MAPKAP1: variants seen among roughly 807,000 people sequenced by gnomAD.
MAPKAP1 encodes the protein target of rapamycin complex 2 subunit MAPKAP1.
A neutral mutation model predicts 65.7 loss-of-function variants in MAPKAP1; 20 were observed. That is an observed-to-expected ratio of 0.30 (90% CI 0.21 to 0.44). The LOEUF (loss-of-function observed/expected upper bound fraction) is 0.44, where lower values mean the gene tolerates loss of function less well. MAPKAP1 is among the 20% of genes least tolerant of loss of function. The pLI, the probability that MAPKAP1 is intolerant of heterozygous loss-of-function variation, is 1.00. For synonymous variants in MAPKAP1, 222 were observed against 244.3 expected (o/e 0.91, Z 0.85); for missense variants, 423 against 648.0 (o/e 0.65, Z 3.77).
At chr9:125,667,476 T>C (rs1834373397) in intron 3 of MAPKAP1, among the ~76,000 whole-genome samples, 1 of 66,606 alleles carries the variant, frequency 1.5e-5, no homozygotes, top group Non-Finnish European at 3.8e-5. Context: ...CACACCACCA[T>C]GCCCAGCTAA....
intron 7 of MAPKAP1, 68 bp from the exon 8 acceptor site, chr9:125,506,485 C>G: frequency 1.6e-6 from 2 of 1,266,010 alleles, no homozygotes; most frequent in Non-Finnish European, 1.2e-6. Flanking sequence ...TTAAAAAACA[C>G]CACATACTGG....
chr9:125,462,187 G>A lies in MAPKAP1; in HGVS notation c.1345+5785C>T, dbSNP rs534170616. Reference sequence around the variant, plus strand: ...AATAGGGAGAAAGAAATCAGGTGGCGAGGATCCGACGGATAAGCTGGGGTG... The same window carrying A: ...AATAGGGAGAAAGAAATCAGGTGGCAAGGATCCGACGGATAAGCTGGGGTG... On this transcript the variant is annotated intron_variant, in intron 10 of 11. Transcript: ENST00000265960. 6.3e-4 allele frequency among the ~76,000 whole-genome samples: 96 copies of A among 152,348 alleles called. 2 individuals are homozygous for A. In the South Asian group the frequency reaches 0.017, roughly 28 times the overall value.
chr9:125,630,767 G>C lies in MAPKAP1; in HGVS notation c.498+26884C>G, dbSNP rs975071025. Among the ~76,000 whole-genome samples the C allele has an allele frequency of 3.3e-5, 5 of 152,200 alleles. No individual in the cohort carries two copies. In the South Asian group the frequency reaches 1.0e-3, roughly 32 times the overall value. On this transcript the variant is annotated intron_variant, in intron 4 of 11. Transcript: ENST00000265960. ...TAATGGGAGGTGTTTGGATCATGGA[G>C]GCAGATCCCTCATGAATAAATTAAT...
chr9:125,468,135 A>C, intron 9 of MAPKAP1, 26 bp from the exon 10 acceptor site: 1 of 1,609,598 alleles, frequency 6.2e-7, no homozygotes, highest in Non-Finnish European at 8.5e-7. Flanking sequence ...AGGACACAAA[A>C]GAAAACACAA....
At chr9:125,547,351 A>T (rs1303979700) in intron 6 of MAPKAP1, among the ~76,000 whole-genome samples, 1 of 152,164 alleles carries the variant, frequency 6.6e-6, no homozygotes, top group African/African-American at 2.4e-5. Context: ...CTGGAGAGGA[A>T]AGGGCATAGG....
At chr9:125,643,542 C>A (rs972801072) in intron 4 of MAPKAP1, among the ~76,000 whole-genome samples, 1 of 152,078 alleles carries the variant, frequency 6.6e-6, no homozygotes, top group Non-Finnish European at 1.5e-5. Context: ...TATACAAATC[C>A]TTCTATATCA....
intron 3 of MAPKAP1, among the ~76,000 whole-genome samples, chr9:125,664,534 G>C (rs1216558751): frequency 2.0e-5 from 3 of 151,162 alleles, no homozygotes; most frequent in Non-Finnish European, 4.4e-5. Context: ...AGACCAGCCT[G>C]GCCAACATGG....
intron 8 of MAPKAP1, among the ~76,000 whole-genome samples, chr9:125,491,783 A>C (rs1010595919): frequency 1.6e-4 from 25 of 151,614 alleles, no homozygotes; most frequent in South Asian, 4.2e-4. Context: ...CTCAAAAAAA[A>C]CCAAAAAAAC....
intron 9 of MAPKAP1, among the ~76,000 whole-genome samples, chr9:125,482,148 A>AAAAAAGAAG (rs60516268): frequency 7.1e-4 from 83 of 116,982 alleles, no homozygotes; most frequent in African/African-American, 2.3e-3. Flanking sequence ...AAAAAAAAAA[A>AAAAAAGAAG]AAGAAGAAGA....
intron 4 of MAPKAP1, among the ~76,000 whole-genome samples, chr9:125,620,075 A>C (rs1382921356): frequency 6.6e-6 from 1 of 152,198 alleles, no homozygotes. Flanking sequence ...TTGGGAGACC[A>C]AGGTGGGCAG....
chr9:125,656,405 A>C (rs1241255541), intron 4 of MAPKAP1, among the ~76,000 whole-genome samples: 1 of 152,188 alleles, frequency 6.6e-6, no homozygotes, highest in African/African-American at 2.4e-5. Context: ...GTGCTGTCAG[A>C]AGTTCTTTGG....
At chr9:125,671,634 G>A (rs901334666) in intron 2 of MAPKAP1, among the ~76,000 whole-genome samples, 1 of 151,880 alleles carries the variant, frequency 6.6e-6, no homozygotes, top group African/African-American at 2.4e-5. Flanking sequence ...TTGAAACAAG[G>A]CCACCAAAAA....
At chr9:125,685,406 T>G (rs1834945648) in intron 1 of MAPKAP1, among the ~76,000 whole-genome samples, 1 of 152,208 alleles carries the variant, frequency 6.6e-6, no homozygotes, top group African/African-American at 2.4e-5. Flanking sequence ...TGCCTCACAC[T>G]GCTCAAGGAG....
chr9:125,696,088 C>T (rs763138582), intron 1 of MAPKAP1: 1 of 152,148 alleles, frequency 6.6e-6, no homozygotes, highest in African/African-American at 2.4e-5. Context: ...TATTTTAACA[C>T]TCATATTTTT....
At chr9:125,578,335 T>C (rs1159591384) in intron 5 of MAPKAP1, among the ~76,000 whole-genome samples, 1 of 151,824 alleles carries the variant, frequency 6.6e-6, no homozygotes, top group Non-Finnish European at 1.5e-5. Flanking sequence ...CCAGAGACCT[T>C]TGTTCACTTG....
At chr9:125,624,429 A>T (rs1459104228) in intron 4 of MAPKAP1, among the ~76,000 whole-genome samples, 1 of 71,846 alleles carries the variant, frequency 1.4e-5, no homozygotes, top group South Asian at 7.0e-4. Flanking sequence ...TCCGGGAGGG[A>T]GGTGGGGGGG....
chr9:125,563,674 CTCAA>C (rs961601457), intron 5 of MAPKAP1, among the ~76,000 whole-genome samples: 218 of 151,918 alleles, frequency 1.4e-3, no homozygotes, highest in African/African-American at 5.0e-3. Context: ...AATGTGTAGA[CTCAA>C]TCACTCTATG....
chr9:125,453,413 C>G (rs1853037602), intron 10 of MAPKAP1, among the ~76,000 whole-genome samples: 1 of 152,232 alleles, frequency 6.6e-6, no homozygotes, highest in South Asian at 2.1e-4. Flanking sequence ...CAGAAAACAG[C>G]TGGATTATCC....
intron 7 of MAPKAP1, among the ~76,000 whole-genome samples, chr9:125,510,067 T>A: frequency 6.6e-6 from 1 of 152,240 alleles, no homozygotes; most frequent in East Asian, 1.9e-4. Context: ...GCATGCTATA[T>A]ACCTTACCTT....
Sources: allele counts gnomAD v4.1 joint callset (sites outside exome capture counted in the v4.1 genomes callset), GRCh38; gene constraint gnomAD v4.1.1; transcripts MANE v1.5; gene names NCBI Gene and HGNC (gene_info 2026-07-23, HGNC 2026-07-21).